The following NRG4 variants were observed in gnomAD, a reference collection of about 807,000 sequenced individuals.
NRG4 encodes the protein pro-neuregulin-4, membrane-bound isoform.
A neutral mutation model predicts 15.0 loss-of-function variants in NRG4; 10 were observed. The observed-to-expected ratio is 0.67, with a 90% CI of 0.41 to 1.13. The LOEUF is 1.13. NRG4 is among the 50% of genes most tolerant of loss of function. The pLI is 0.00. For missense variants in NRG4, 139 were observed against 140.2 expected, an observed-to-expected ratio of 0.99 and a Z score of 0.04; for synonymous variants, 41 against 50.1, an observed-to-expected ratio of 0.82 and a Z score of 0.77.
chr15:75,993,676 TGA>T (rs2034110357), intron 3 of NRG4, among the ~76,000 whole-genome samples: 1 of 150,956 alleles, frequency 6.6e-6, no homozygotes, highest in African/African-American at 2.4e-5. Flanking sequence ...TCAGCCTGGG[TGA>T]CAGAGTGAGA....
chr15:75,981,853 T>C (rs534545583), intron 3 of NRG4, among the ~76,000 whole-genome samples: 1 of 152,308 alleles, frequency 6.6e-6, no homozygotes, highest in Admixed American at 6.5e-5. Context: ...AGAGGCTATT[T>C]TGATAAATTC....
chr15:76,012,448 G>A (rs536430085), upstream of NRG4: 1 of 152,344 alleles, frequency 6.6e-6, no homozygotes, highest in African/African-American at 2.4e-5. Flanking sequence ...GCAGTGTGCA[G>A]TGTGGGCGAG....
chr15:76,042,042 C>CAA (rs2141954784), intron 4 of NRG4, among the ~76,000 whole-genome samples: 1 of 152,010 alleles, frequency 6.6e-6, no homozygotes, highest in East Asian at 1.9e-4. Context: ...GGAAACTATA[C>CAA]AAACACATGG....
At chr15:75,947,686 TTC>T (rs1302867896) in intron 5 of NRG4, among the ~76,000 whole-genome samples, 1 of 152,210 alleles carries the variant, frequency 6.6e-6, no homozygotes, top group East Asian at 1.9e-4. Flanking sequence ...AATATGGAAA[TTC>T]TGTTTAATTT....
At chr15:76,039,920 G>A (rs1469775373) in intron 4 of NRG4, among the ~76,000 whole-genome samples, 2 of 152,088 alleles carry the variant, frequency 1.3e-5, no homozygotes, top group Non-Finnish European at 2.9e-5. Context: ...TATGCTCTCA[G>A]CTACTTGAGA....
chr15:75,992,815 G>T (rs1323239543), intron 3 of NRG4, among the ~76,000 whole-genome samples: 1 of 151,900 alleles, frequency 6.6e-6, no homozygotes, highest in African/African-American at 2.4e-5. Context: ...TGTTTGTATG[G>T]GTGATCTATG....
chr15:76,022,043 C>T (rs1011752550), intron 5 of NRG4, among the ~76,000 whole-genome samples: 1 of 152,136 alleles, frequency 6.6e-6, no homozygotes, highest in Non-Finnish European at 1.5e-5. Flanking sequence ...GAATCTAATG[C>T]GACCGCTGAT....
chr15:75,995,143 G>A (rs1385023292), intron 3 of NRG4, among the ~76,000 whole-genome samples: 4 of 151,656 alleles, frequency 2.6e-5, no homozygotes, highest in Non-Finnish European at 5.9e-5. Flanking sequence ...AGCCATGACC[G>A]CACCACTGCA....
intron 5 of NRG4, among the ~76,000 whole-genome samples, chr15:76,026,928 C>T (rs991766794): frequency 6.6e-6 from 1 of 152,080 alleles, no homozygotes; most frequent in Non-Finnish European, 1.5e-5. Flanking sequence ...TGAGACCATC[C>T]TGGCTAACAT....
chr15:76,033,033 T>C (rs1431108724), intron 5 of NRG4, among the ~76,000 whole-genome samples: 1 of 152,250 alleles, frequency 6.6e-6, no homozygotes, highest in Non-Finnish European at 1.5e-5. Flanking sequence ...TAGCATTTCT[T>C]ACTACATGGG....
intron 3 of NRG4, among the ~76,000 whole-genome samples, chr15:75,970,441 A>G (rs2141831354): frequency 6.6e-6 from 1 of 152,340 alleles, no homozygotes; most frequent in South Asian, 2.1e-4. Context: ...AATTCCACCT[A>G]TCGAAGACTG....
intron 3 of NRG4, among the ~76,000 whole-genome samples, chr15:75,988,794 C>T (rs935248838): frequency 1.3e-5 from 2 of 150,086 alleles, no homozygotes; most frequent in African/African-American, 2.5e-5. Context: ...AGGAATAAAA[C>T]GAAGGTATGA....
rs2031183731 is a variant in NRG4, at chr15:75,943,261, C to G, written c.*377G>C. 1 of 182,178 alleles carries G rather than the reference C, an allele frequency of 5.5e-6. No individual in the cohort carries two copies. Among genetic ancestry groups the G allele is most frequent in the Non-Finnish European group, 1.1e-5 (1 of 88,442 alleles). The allele number at this position is 182,178 out of a possible 1,614,324, so 11.3% of individuals were successfully genotyped here. A position where few individuals can be genotyped will look rare whatever the true frequency, so the allele number is the denominator to read the frequency against. On this transcript the variant is annotated 3_prime_UTR_variant, in exon 6 of 6. Transcript: ENST00000394907. ...TGAGGTGGTTTTGAAGCCACTAAGCCAGCTACTCCTTGCATTTAAAGGGTT... is the reference window on the plus strand; with the variant it reads ...TGAGGTGGTTTTGAAGCCACTAAGCGAGCTACTCCTTGCATTTAAAGGGTT...
chr15:75,989,478 T>C (rs753811285), intron 3 of NRG4, among the ~76,000 whole-genome samples: 1 of 152,044 alleles, frequency 6.6e-6, no homozygotes, highest in Non-Finnish European at 1.5e-5. Context: ...AACACATACA[T>C]GTTAGACCTC....
At chr15:75,994,010 C>T (rs1456906574) in intron 3 of NRG4, among the ~76,000 whole-genome samples, 4 of 152,080 alleles carry the variant, frequency 2.6e-5, no homozygotes, top group Non-Finnish European at 4.4e-5. Flanking sequence ...CACTGATTTT[C>T]TTTAGTCTTC....
chr15:75,999,222 T>G (rs1235473924), intron 3 of NRG4, among the ~76,000 whole-genome samples: 2 of 152,210 alleles, frequency 1.3e-5, no homozygotes, highest in Non-Finnish European at 2.9e-5. Context: ...AGATAAAAAT[T>G]TCTGCCCTCA....
intron 4 of NRG4, among the ~76,000 whole-genome samples, chr15:76,046,681 A>G (rs1370605971): frequency 2.0e-5 from 3 of 151,320 alleles, no homozygotes; most frequent in Non-Finnish European, 4.4e-5. Flanking sequence ...TAGATTAAAG[A>G]CAAATATTTA....
chr15:75,993,435 G>A (rs1261564443), intron 3 of NRG4, among the ~76,000 whole-genome samples: 1 of 136,210 alleles, frequency 7.3e-6, no homozygotes, highest in Admixed American at 7.8e-5. Context: ...GGCTGAGCAC[G>A]AATTACATGT....
rs188730803 is a variant in NRG4, at chr15:75,973,377, G to T, written c.105-11403C>A. On this transcript the variant is annotated intron_variant, in intron 3 of 5. Coordinates refer to ENST00000394907, the MANE Select transcript of NRG4 (RefSeq NM_138573.4). ...CTTTATTTCTTTCTCTTGCCTGATT[G>T]CCCTGGCCAGAACTTCCAATACTAT... is the stretch of plus-strand genomic sequence containing the variant. Among the ~76,000 whole-genome samples the T allele has an allele frequency of 1.6e-4, 25 of 152,188 alleles. No individual in the cohort carries two copies. In the East Asian group the frequency reaches 4.4e-3, roughly 27 times the overall value.
Sources: allele counts gnomAD v4.1 joint callset (sites outside exome capture counted in the v4.1 genomes callset), GRCh38; gene constraint gnomAD v4.1.1; transcripts MANE v1.5; gene names NCBI Gene and HGNC (gene_info 2026-07-23, HGNC 2026-07-21).